Variants in DNAJC16 observed in about 807,000 individuals in gnomAD.
The protein encoded by DNAJC16 is DnaJ heat shock protein family (Hsp40) member C16.
In DNAJC16, 76 loss-of-function variants were observed where a neutral mutation model predicts 92.7. That is an observed-to-expected ratio of 0.82 (90% confidence interval 0.68 to 0.99). The LOEUF (loss-of-function observed/expected upper bound fraction) is 0.99, where lower values mean the gene tolerates loss of function less well. Ranked by LOEUF, DNAJC16 falls within the 50% of genes least tolerant of loss-of-function variation. The probability of loss-of-function intolerance (pLI) is 0.00; values close to 1 mark genes in which losing one functional copy is unlikely to be tolerated. For synonymous variants in DNAJC16, 328 were observed against 358.7 expected (o/e 0.91, Z 0.97); for missense variants, 869 against 942.4 (o/e 0.92, Z 1.02).
rs536048367 is a variant in DNAJC16, at chr1:15,534,426, T to TATA, written c.234+127_234+129dup. 3,462 of 998,064 alleles carry TATA rather than the reference T, an allele frequency of 3.5e-3. 14 individuals are homozygous for TATA. The highest frequency in any genetic ancestry group is 4.1e-3 in the Middle Eastern group (19 of 4,610). 61.8% of individuals were successfully genotyped at this position (998,064 alleles called of 1,614,324 possible). On this transcript the variant is annotated intron_variant, in intron 3 of 14. Coordinates refer to ENST00000375847, the MANE Select transcript of DNAJC16 (RefSeq NM_015291.4). The stretch of plus-strand genomic sequence containing the variant: ...CATGCCCTTGATGCAGTTTCTAGAT[T>TATA]ATAATAGAGAGAACAGGCTGGATGC...
intron 11 of DNAJC16, among the ~76,000 whole-genome samples, chr1:15,564,633 A>C (rs566374237): frequency 6.6e-6 from 1 of 151,588 alleles, no homozygotes; most frequent in South Asian, 2.1e-4. Flanking sequence ...GGTTCAAGCA[A>C]TTCTCCTGCC....
intron 4 of DNAJC16, among the ~76,000 whole-genome samples, chr1:15,538,403 AAAAT>A (rs1366115556): frequency 6.6e-6 from 1 of 151,850 alleles, no homozygotes. Flanking sequence ...TCAAGAAAAA[AAAAT>A]AAAAAGAAAA....
At chr1:15,541,223 T>A (rs903481134) in intron 4 of DNAJC16, among the ~76,000 whole-genome samples, 1 of 152,238 alleles carries the variant, frequency 6.6e-6, no homozygotes, top group Non-Finnish European at 1.5e-5. Flanking sequence ...ATGTCTCTTC[T>A]GTCTTTACGA....
At chr1:15,538,578 A>G (rs1710850430) in intron 4 of DNAJC16, among the ~76,000 whole-genome samples, 1 of 148,082 alleles carries the variant, frequency 6.8e-6, no homozygotes, top group Non-Finnish European at 1.5e-5. Flanking sequence ...TTAGCTGGAC[A>G]TAGTGGCACG....
intron 8 of DNAJC16, 85 bp from the exon 9 acceptor site, chr1:15,562,057 C>A: frequency 7.2e-7 from 1 of 1,394,300 alleles, no homozygotes; most frequent in Non-Finnish European, 9.8e-7. Context: ...ATGAGCTCCT[C>A]GTCTTCTTCA....
intron 11 of DNAJC16, among the ~76,000 whole-genome samples, chr1:15,564,609 A>G (rs547723164): frequency 1.2e-4 from 18 of 150,322 alleles, no homozygotes; most frequent in Non-Finnish European, 2.2e-4. Context: ...GATCACTGCA[A>G]CCTCCGCCTC....
At position 15,568,261 on chromosome 1, in the gene DNAJC16, A is replaced by C; in HGVS notation, c.*84A>C. 1 of 1,131,840 alleles carries C rather than the reference A, an allele frequency of 8.8e-7. No homozygotes were observed. The highest frequency in any genetic ancestry group is 1.3e-6 in the Non-Finnish European group (1 of 785,878). The allele number at this position is 1,131,840 out of a possible 1,614,324, so 70.1% of individuals were successfully genotyped here. A position where few individuals can be genotyped will look rare whatever the true frequency, so the allele number is the denominator to read the frequency against. On this transcript the variant is annotated 3_prime_UTR_variant, in exon 15 of 15. Transcript: ENST00000375847. ...GTATTTTCAGGACTCAAACTACCAC[A>C]ATGAACAGAGTATAGATTTTAGATT...
chr1:15,564,589 T>C (rs991718303), intron 11 of DNAJC16, among the ~76,000 whole-genome samples: 20 of 150,860 alleles, frequency 1.3e-4, no homozygotes, highest in African/African-American at 4.9e-4. Flanking sequence ...TCCCCCAGGC[T>C]CAATCTGGGG....
At chr1:15,530,737 G>T (rs1458092187) in intron 2 of DNAJC16, among the ~76,000 whole-genome samples, 1 of 152,222 alleles carries the variant, frequency 6.6e-6, no homozygotes, top group Non-Finnish European at 1.5e-5. Context: ...ACGCAGGCTG[G>T]AATGCAGTGG....
rs1314139921 is a variant in DNAJC16 at position 15,534,310 on chromosome 1, T to A, written c.234+7T>A. On this transcript the variant is annotated splice_region_variant and intron_variant, in intron 3 of 14. Transcript: ENST00000375847. ...AATCAGTAAGGCTTACGAGGTATCG[T>A]GTCCAGCTTTGTGATGCATCCATTA... is the stretch of plus-strand genomic sequence containing the variant. 5.0e-6 allele frequency: 8 copies of A among 1,613,730 alleles called. No homozygotes were observed. Among genetic ancestry groups the A allele is most frequent in the Non-Finnish European group, 6.8e-6 (8 of 1,179,822 alleles).
chr1:15,544,642 T>G (rs1638247122), intron 5 of DNAJC16, 59 bp downstream of exon 5: 3 of 1,544,844 alleles, frequency 1.9e-6, no homozygotes, highest in Admixed American at 1.8e-5. Flanking sequence ...CCTAGGACTG[T>G]TAATTGCCCA....
rs548950164 is a variant in DNAJC16 at position 15,566,712 on chromosome 1, G to A, written c.1779-387G>A. The A allele has an allele frequency of 3.9e-5, 7 of 177,690 alleles. No individual in the cohort carries two copies. The South Asian group carries it at 9.0e-4, about 23-fold the overall frequency. 11.0% of individuals were successfully genotyped at this position (177,690 alleles called of 1,614,324 possible). A position where few individuals can be genotyped will look rare whatever the true frequency, so the allele number is the denominator to read the frequency against. On this transcript the variant is annotated intron_variant, in intron 13 of 14. Coordinates refer to ENST00000375847, the MANE Select transcript of DNAJC16 (RefSeq NM_015291.4). Reference sequence around the variant, plus strand: ...AGCTTAGGCAACATGGCAAGACCCTGTCTCTACAAAAAACTTATAAAATTA... The same window carrying A: ...AGCTTAGGCAACATGGCAAGACCCTATCTCTACAAAAAACTTATAAAATTA...
chr1:15,568,531 G>A lies in DNAJC16; in HGVS notation c.*354G>A, dbSNP rs943325385. ...AAGCACAGGGCTCCACCCTGCAAGCGGCATCTGGCGGACCCTCATGAGCCT... is the reference window on the plus strand; with the variant it reads ...AAGCACAGGGCTCCACCCTGCAAGCAGCATCTGGCGGACCCTCATGAGCCT... On this transcript the variant is annotated 3_prime_UTR_variant, in exon 15 of 15. Transcript: ENST00000375847. The A allele has an allele frequency of 7.2e-5, 31 of 429,090 alleles. No homozygotes were observed. The highest frequency in any genetic ancestry group is 8.6e-5 in the Non-Finnish European group (21 of 244,036). The allele number at this position is 429,090 out of a possible 1,614,324, so 26.6% of individuals were successfully genotyped here.
chr1:15,533,691 G>A (rs147304609), intron 2 of DNAJC16, among the ~76,000 whole-genome samples: 3 of 152,246 alleles, frequency 2.0e-5, no homozygotes, highest in Admixed American at 6.5e-5. Context: ...AAAAGCAATC[G>A]TAATAATAAC....
In DNAJC16 at chr1:15,544,381, A is replaced by G; in HGVS notation, c.575-18A>G. The G allele has an allele frequency of 6.3e-7, 1 of 1,591,714 alleles. No individual in the cohort carries two copies. The highest frequency in any genetic ancestry group is 2.2e-5 in the East Asian group (1 of 44,552). On this transcript the variant is annotated intron_variant, in intron 4 of 14. Transcript: ENST00000375847. ...GGAGACATAAAAAGGCTTCATTTGG[A>G]TCTTCCATTCTTTTCAGGTGTAGGA...
rs894606467 is a variant in DNAJC16 at position 15,565,722 on chromosome 1, G to A, written c.1599-197G>A. On this transcript the variant is annotated intron_variant, in intron 11 of 14. Coordinates refer to ENST00000375847, the MANE Select transcript of DNAJC16 (RefSeq NM_015291.4). Reference sequence around the variant, plus strand: ...CAAAATCAAACTTTTAGAATAAGCTGTCTGTGAATTAGAACACTGAGCAAT... The same window carrying A: ...CAAAATCAAACTTTTAGAATAAGCTATCTGTGAATTAGAACACTGAGCAAT... The A allele has an allele frequency of 2.1e-5, 13 of 611,446 alleles. No homozygotes were observed. In the Admixed American group the frequency reaches 3.9e-4, roughly 19 times the overall value. 37.9% of individuals were successfully genotyped at this position (611,446 alleles called of 1,614,324 possible).
chr1:15,559,522 C>G lies in DNAJC16; in HGVS notation c.1024-4C>G. 6.2e-7 allele frequency: 1 copy of G among 1,613,862 alleles called. No individual in the cohort carries two copies. Among genetic ancestry groups the G allele is most frequent in the Non-Finnish European group, 8.5e-7 (1 of 1,179,858 alleles). On this transcript the variant is annotated splice_polypyrimidine_tract_variant and splice_region_variant and intron_variant, in intron 7 of 14. Transcript: ENST00000375847. The stretch of plus-strand genomic sequence containing the variant: ...AATCTAGCTGATTCTTGGTTTTTCT[C>G]TAGGCCCGAGGTATGAAGAAGCAAA...
chr1:15,541,713 G>C (rs1435851034), intron 4 of DNAJC16, among the ~76,000 whole-genome samples: 2 of 152,176 alleles, frequency 1.3e-5, no homozygotes, highest in Non-Finnish European at 2.9e-5. Context: ...AAAGATGTAT[G>C]TACAAAGATG....
chr1:15,549,195 G>A (rs975283320), intron 7 of DNAJC16, among the ~76,000 whole-genome samples: 4 of 152,194 alleles, frequency 2.6e-5, no homozygotes, highest in African/African-American at 4.8e-5. Flanking sequence ...AAAGTGGACC[G>A]TAAAGAAAGA....
Sources: allele counts gnomAD v4.1 joint callset (sites outside exome capture counted in the v4.1 genomes callset), GRCh38; gene constraint gnomAD v4.1.1; transcripts MANE v1.5; gene names NCBI Gene and HGNC (gene_info 2026-07-23, HGNC 2026-07-21).